Variants in SDCBP observed in about 807,000 individuals in gnomAD.
SDCBP encodes the protein syndecan binding protein.
In SDCBP, 22 loss-of-function variants were observed where a neutral mutation model predicts 30.5. The ratio of observed to expected loss-of-function variants is 0.72; its 90% CI spans 0.52 to 1.03. SDCBP has a LOEUF of 1.03. Among genes scored for constraint, SDCBP ranks in the 50% least tolerant of loss-of-function variants. The probability of loss-of-function intolerance (pLI) is 0.00; values close to 1 mark genes in which losing one functional copy is unlikely to be tolerated. For missense variants in SDCBP, 304 were observed against 369.9 expected (o/e 0.82, Z 1.46); for synonymous variants, 103 against 118.7 (o/e 0.87, Z 0.86).
chr8:58,581,658 G>T (rs760487290), intron 8 of SDCBP, 28 bp from the exon 9 acceptor site: 7 of 1,568,014 alleles, frequency 4.5e-6, no homozygotes, highest in Non-Finnish European at 6.1e-6. Context: ...CAGAATCTCG[G>T]TATATAATAA....
At chr8:58,578,792 G>C (rs1020050485) in intron 6 of SDCBP, among the ~76,000 whole-genome samples, 2 of 152,130 alleles carry the variant, frequency 1.3e-5, no homozygotes, top group Non-Finnish European at 2.9e-5. Context: ...TTGAGTTTTT[G>C]TTCCTTCTCA....
chr8:58,553,903 G>T (rs916575266), intron 1 of SDCBP, among the ~76,000 whole-genome samples: 1 of 152,204 alleles, frequency 6.6e-6, no homozygotes, highest in African/African-American at 2.4e-5. Flanking sequence ...GGAGAAGTTG[G>T]ACCTGAGGGA....
chr8:58,564,403 A>T (rs559241552), intron 1 of SDCBP, among the ~76,000 whole-genome samples: 1 of 152,380 alleles, frequency 6.6e-6, no homozygotes, highest in African/African-American at 2.4e-5. Context: ...TATAACTAAA[A>T]AACATACTTC....
Position 58,576,033 on chromosome 8 carries a change from T to C in SDCBP, c.374T>C (p.Ile125Thr). The C allele has an allele frequency of 2.5e-6, 4 of 1,613,456 alleles. No homozygotes were observed. The highest frequency in any genetic ancestry group is 3.4e-6 in the Non-Finnish European group (4 of 1,179,546). Residue 125 changes from isoleucine (I) to threonine (T), a missense_variant, in exon 5 of 9, where the codon ATT (isoleucine) becomes ACT (threonine). Coordinates refer to ENST00000260130, the MANE Select transcript of SDCBP (RefSeq NM_005625.4). ...TTGTGTAAGGATCAAGATGGAAAAA[T>C]TGGACTCAGGCTTAAATCAATAGAT... is the stretch of plus-strand genomic sequence containing the variant. Reference protein sequence around the residue: ...VILCKDQDGKIGLRLKSIDNG... With the variant: ...VILCKDQDGKTGLRLKSIDNG...
At chr8:58,566,081 A>G (rs1331551875) in intron 2 of SDCBP, among the ~76,000 whole-genome samples, 3 of 152,144 alleles carry the variant, frequency 2.0e-5, no homozygotes, top group African/African-American at 4.8e-5. Context: ...TGATGCCTCA[A>G]AGTTTCAAGT....
intron 1 of SDCBP, among the ~76,000 whole-genome samples, chr8:58,563,253 A>T (rs1391889856): frequency 1.3e-5 from 2 of 152,232 alleles, no homozygotes; most frequent in African/African-American, 4.8e-5. Context: ...TTCTGCTATG[A>T]AAATGAATGA....
chr8:58,562,482 G>A (rs1804491900), intron 1 of SDCBP, among the ~76,000 whole-genome samples: 1 of 152,102 alleles, frequency 6.6e-6, no homozygotes, highest in Admixed American at 6.6e-5. Context: ...TGTGGTACTG[G>A]TATAAGGATA....
intron 2 of SDCBP, among the ~76,000 whole-genome samples, chr8:58,565,784 G>A (rs560577729): frequency 5.3e-5 from 8 of 152,170 alleles, no homozygotes; most frequent in Non-Finnish European, 1.0e-4. Context: ...GGGGTAATTT[G>A]TAGTATATGA....
At chr8:58,560,264 C>G (rs1479054777) in intron 1 of SDCBP, 2 of 152,416 alleles carry the variant, frequency 1.3e-5, no homozygotes, top group Admixed American at 1.3e-4. Flanking sequence ...GGAAAGCTGA[C>G]AGGGGCTGGT....
rs764365452 is a variant in SDCBP, at chr8:58,565,076, G to T, written c.43G>T (p.Val15Leu). The T allele has an allele frequency of 6.4e-7, 1 of 1,557,698 alleles. No homozygotes were observed. The highest frequency in any genetic ancestry group is 1.8e-5 in the Admixed American group (1 of 56,648). Residue 15 changes from valine to leucine, a missense_variant, in exon 2 of 9, where the codon GTA becomes TTA. Physicochemically the swap from Val to Leu is conservative, Grantham distance 32. Transcript: ENST00000260130. ...PSLEDLKVDK[V>L]IQAQTAFSAN... Reference sequence around the variant, plus strand: ...TCTCGAAGACTTGAAGGTAGACAAAGTAATTCAGGTATGATAGTTTAAATA... The same window carrying T: ...TCTCGAAGACTTGAAGGTAGACAAATTAATTCAGGTATGATAGTTTAAATA...
Position 58,565,072 on chromosome 8 carries a change from C to A in SDCBP, c.39C>A (p.Asp13Glu). 1 of 1,566,118 alleles carries A rather than the reference C, an allele frequency of 6.4e-7. No individual in the cohort carries two copies. Among genetic ancestry groups the A allele is most frequent in the Admixed American group, 1.8e-5 (1 of 56,810 alleles). ...CATCTCTCGAAGACTTGAAGGTAGA[C>A]AAAGTAATTCAGGTATGATAGTTTA... is the stretch of plus-strand genomic sequence containing the variant. ...LYPSLEDLKV[D>E]KVIQAQTAFS... Residue 13 changes from aspartate (D) to glutamate (E), a missense_variant, in exon 2 of 9, where the codon GAC becomes GAA. By Grantham distance (45) the Asp-to-Glu change is conservative. Coordinates refer to ENST00000260130, the MANE Select transcript of SDCBP (RefSeq NM_005625.4).
intron 2 of SDCBP, among the ~76,000 whole-genome samples, chr8:58,567,909 C>CA (rs1312987061): frequency 6.6e-6 from 1 of 152,130 alleles, no homozygotes; most frequent in Non-Finnish European, 1.5e-5. Context: ...AATGGTACAT[C>CA]TGTATAAGGC....
chr8:58,567,021 T>C (rs1038974837), intron 2 of SDCBP, among the ~76,000 whole-genome samples: 6 of 152,148 alleles, frequency 3.9e-5, no homozygotes, highest in African/African-American at 1.2e-4. Context: ...TTTCCTAATA[T>C]GGTGGGCAGA....
At chr8:58,560,116 C>T (rs140253183) in intron 1 of SDCBP, among the ~76,000 whole-genome samples, 269 of 152,248 alleles carry the variant, frequency 1.8e-3, no homozygotes, top group African/African-American at 6.2e-3. Flanking sequence ...TGGTCCCTCC[C>T]CCTCCCTCAG....
intron 5 of SDCBP, among the ~76,000 whole-genome samples, chr8:58,576,851 A>G (rs946533333): frequency 7.9e-5 from 12 of 152,348 alleles, no homozygotes; most frequent in Admixed American, 6.5e-4. Context: ...ATAGAAAATT[A>G]TAAGTGTGGT....
At position 58,579,700 on chromosome 8, in the gene SDCBP, C is replaced by T. The variant is rs1805570481; in HGVS notation, c.656C>T (p.Thr219Ile). 8.7e-6 allele frequency: 14 copies of T among 1,611,806 alleles called. No homozygotes were observed. The highest frequency in any genetic ancestry group is 1.7e-5 in the Admixed American group (1 of 59,774). Residue 219 changes from threonine to isoleucine, a missense_variant, in exon 7 of 9, where the codon ACA (threonine) becomes ATA (isoleucine). Transcript: ENST00000260130. Reference protein sequence around the residue: ...VGFIFKNGKITSIVKDSSAAR... With the variant: ...VGFIFKNGKIISIVKDSSAAR... ...TTTATCTTTAAAAATGGAAAAATAA[C>T]ATCCATAGTGAAAGATAGCTCTGCA...
intron 4 of SDCBP, among the ~76,000 whole-genome samples, chr8:58,574,810 C>T (rs888048185): frequency 6.6e-6 from 1 of 152,098 alleles, no homozygotes; most frequent in Non-Finnish European, 1.5e-5. Context: ...AAATGATTAC[C>T]ACAGTCAGGG....
At chr8:58,574,117 A>G (rs1269000273) in intron 4 of SDCBP, among the ~76,000 whole-genome samples, 2 of 152,172 alleles carry the variant, frequency 1.3e-5, no homozygotes, top group East Asian at 1.9e-4. Flanking sequence ...GTACCCTTCA[A>G]TATAAATGAA....
chr8:58,576,105 CATA>C, intron 5 of SDCBP, 44 bp downstream of exon 5: 1 of 1,322,284 alleles, frequency 7.6e-7, no homozygotes, highest in Non-Finnish European at 1.1e-6. Context: ...AAATCTCTTA[CATA>C]ATAAGTGATT....
Sources: allele counts gnomAD v4.1 joint callset (sites outside exome capture counted in the v4.1 genomes callset), GRCh38; gene constraint gnomAD v4.1.1; transcripts MANE v1.5; gene names NCBI Gene and HGNC (gene_info 2026-07-23, HGNC 2026-07-21).